C12orf54: variants seen among roughly 807,000 people sequenced by gnomAD.
C12orf54 encodes uncharacterized protein C12orf54.
C12orf54 carries 24 observed loss-of-function variants against 26.4 expected under a neutral mutation model. That is an observed-to-expected ratio of 0.91 (90% CI 0.66 to 1.28). The LOEUF (loss-of-function observed/expected upper bound fraction) is 1.28. Among genes scored for constraint, C12orf54 ranks in the 50% most tolerant of loss-of-function variants. The pLI is 0.00. For missense variants in C12orf54, 154 were observed against 150.9 expected, an observed-to-expected ratio of 1.02 and a Z score of -0.11; for synonymous variants, 54 against 47.0, an observed-to-expected ratio of 1.15 and a Z score of -0.61.
chr12:48,472,681 G>A, the C12orf54 span: 1 of 1,614,118 alleles, frequency 6.2e-7, no homozygotes, highest in Non-Finnish European at 8.5e-7. Flanking sequence ...ATGGGCAAAT[G>A]GATTCATTTA....
At chr12:48,476,795 T>C in the C12orf54 span, among the ~76,000 whole-genome samples, 5 of 152,096 alleles carry the variant, frequency 3.3e-5, no homozygotes, top group Admixed American at 1.3e-4. Context: ...ACAATAATAA[T>C]GGGAGATGGT....
At chr12:48,434,457 C>G in the C12orf54 span, among the ~76,000 whole-genome samples, 311 of 152,350 alleles carry the variant, frequency 2.0e-3, 3 homozygotes, top group African/African-American at 7.0e-3. Flanking sequence ...AATGGGCAGA[C>G]TGCCTCCTCA....
the C12orf54 span, among the ~76,000 whole-genome samples, chr12:48,471,048 T>C: frequency 6.6e-6 from 1 of 152,260 alleles, no homozygotes; most frequent in East Asian, 1.9e-4. Context: ...TGCTATCAAA[T>C]AGTAGGTCTT....
At chr12:48,483,689 C>T (rs1954224869) in intron 2 of C12orf54, among the ~76,000 whole-genome samples, 1 of 152,134 alleles carries the variant, frequency 6.6e-6, no homozygotes, top group Non-Finnish European at 1.5e-5. Context: ...TCAAGGTCAA[C>T]CATCTAAAAT....
At chr12:48,439,064 AAAAC>A in the C12orf54 span, among the ~76,000 whole-genome samples, 2 of 152,224 alleles carry the variant, frequency 1.3e-5, no homozygotes, top group Non-Finnish European at 2.9e-5. Context: ...TACAAGAAAA[AAAAC>A]AAACAACCCC....
chr12:48,464,453 G>A, the C12orf54 span, among the ~76,000 whole-genome samples: 1 of 151,984 alleles, frequency 6.6e-6, no homozygotes, highest in South Asian at 2.1e-4. Flanking sequence ...AACATTCCAT[G>A]GTCATGGATA....
chr12:48,475,740 A>T, the C12orf54 span, among the ~76,000 whole-genome samples: 1 of 152,182 alleles, frequency 6.6e-6, no homozygotes, highest in Non-Finnish European at 1.5e-5. Flanking sequence ...GAAATATGGG[A>T]CTATGTGAAA....
chr12:48,420,990 C>G, the C12orf54 span, among the ~76,000 whole-genome samples: 1 of 152,170 alleles, frequency 6.6e-6, no homozygotes, highest in Non-Finnish European at 1.5e-5. Flanking sequence ...TTTAAAGGCT[C>G]TATTCTTCAC....
the C12orf54 span, among the ~76,000 whole-genome samples, chr12:48,414,686 T>A: frequency 6.6e-6 from 1 of 152,202 alleles, no homozygotes; most frequent in South Asian, 2.1e-4. Context: ...CCTAAGTTGC[T>A]GGGGATTAAT....
At chr12:48,463,127 T>C in the C12orf54 span, among the ~76,000 whole-genome samples, 1 of 151,692 alleles carries the variant, frequency 6.6e-6, no homozygotes, top group Non-Finnish European at 1.5e-5. Flanking sequence ...AAGGGAAAAA[T>C]ACAATTTACA....
At chr12:48,486,798 A>C (rs560616090) in intron 4 of C12orf54, 72 bp downstream of exon 4, 1 of 1,440,058 alleles carries the variant, frequency 6.9e-7, no homozygotes, top group African/African-American at 1.4e-5. Flanking sequence ...AGGAAGGAGC[A>C]CATTTCTTTC....
chr12:48,430,491 G>A, the C12orf54 span, among the ~76,000 whole-genome samples: 1,169 of 152,140 alleles, frequency 7.7e-3, 23 homozygotes, highest in African/African-American at 0.027. Flanking sequence ...GTGGGCTAAG[G>A]ACATGAATAG....
the C12orf54 span, among the ~76,000 whole-genome samples, chr12:48,451,729 T>A: frequency 6.6e-6 from 1 of 151,986 alleles, no homozygotes; most frequent in African/African-American, 2.4e-5. Context: ...CACAATGAAC[T>A]CCCATTCACA....
chr12:48,465,646 A>G, the C12orf54 span, among the ~76,000 whole-genome samples: 1 of 152,184 alleles, frequency 6.6e-6, no homozygotes, highest in Non-Finnish European at 1.5e-5. Context: ...CAAAATAACA[A>G]AGACATGAAA....
the C12orf54 span, among the ~76,000 whole-genome samples, chr12:48,472,152 A>G: frequency 1.3e-5 from 2 of 152,168 alleles, no homozygotes; most frequent in Admixed American, 1.3e-4. Flanking sequence ...CTTGAATACT[A>G]TTGGTGTATA....
At chr12:48,494,207 G>A (rs1433151402) in intron 7 of C12orf54, among the ~76,000 whole-genome samples, 1 of 151,776 alleles carries the variant, frequency 6.6e-6, no homozygotes, top group Non-Finnish European at 1.5e-5. Flanking sequence ...CAACAAGAGT[G>A]AAACTCTGTC....
intron 5 of C12orf54, among the ~76,000 whole-genome samples, chr12:48,489,990 G>T (rs1192649494): frequency 6.6e-6 from 1 of 152,070 alleles, no homozygotes; most frequent in African/African-American, 2.4e-5. Context: ...CCAAAGTGCT[G>T]GGATTACAGA....
chr12:48,419,853 G>C, the C12orf54 span, among the ~76,000 whole-genome samples: 8 of 152,060 alleles, frequency 5.3e-5, no homozygotes, highest in Non-Finnish European at 1.2e-4. Context: ...TCTTTCTCTA[G>C]GAAAAGACTT....
the C12orf54 span, among the ~76,000 whole-genome samples, chr12:48,469,502 A>G: frequency 6.6e-6 from 1 of 151,670 alleles, no homozygotes; most frequent in Non-Finnish European, 1.5e-5. Context: ...GGATGCCCAG[A>G]TTTCATATTA....
Sources: gnomAD v4.1 joint callset for allele counts (sites outside exome capture counted in the v4.1 genomes callset) on GRCh38, gnomAD v4.1.1 for gene constraint, MANE v1.5 for transcripts, NCBI Gene and HGNC (gene_info 2026-07-23, HGNC 2026-07-21) for gene names.